ANGEL1: variants seen among roughly 807,000 people sequenced by gnomAD.
The protein encoded by ANGEL1 is angel homolog 1.
Under a neutral mutation model 76.4 loss-of-function variants are expected in ANGEL1, and 62 were observed. The ratio of observed to expected loss-of-function variants is 0.81; its 90% confidence interval spans 0.66 to 1.00. The LOEUF is 1.00. ANGEL1 is among the 50% of genes least tolerant of loss of function. The pLI is 0.00. For missense variants in ANGEL1, 737 were observed against 836.7 expected, an observed-to-expected ratio of 0.88 and a Z score of 1.47; for synonymous variants, 340 against 331.7, an observed-to-expected ratio of 1.03 and a Z score of -0.27.
chr14:76,793,194 C>A (rs1894456551), intron 7 of ANGEL1, among the ~76,000 whole-genome samples: 1 of 150,082 alleles, frequency 6.7e-6, no homozygotes, highest in African/African-American at 2.5e-5. Flanking sequence ...CTAAAAATTA[C>A]AAAACTTGGA....
In ANGEL1 at chr14:76,803,567, T is replaced by A; in HGVS notation, c.1508-86A>T. 3 of 1,423,222 alleles carry A rather than the reference T, an allele frequency of 2.1e-6. No individual in the cohort carries two copies. In the South Asian group the frequency reaches 3.5e-5, roughly 17 times the overall value. 88.2% of individuals were successfully genotyped at this position (1,423,222 alleles called of 1,614,324 possible). A position where few individuals can be genotyped will look rare whatever the true frequency, so the allele number is the denominator to read the frequency against. ...CCTTAGTACCAAGCAACTTCCAGCA[T>A]AGGTACACAGAGGAAGCATTCAGAA... On this transcript the variant is annotated intron_variant, in intron 6 of 9. Transcript: ENST00000251089.
Position 76,789,108 on chromosome 14 carries a change from G to T in ANGEL1, c.*120C>A. 4 of 1,312,362 alleles carry T rather than the reference G, an allele frequency of 3.0e-6. No homozygotes were observed. Among genetic ancestry groups the T allele is most frequent in the Non-Finnish European group, 4.2e-6 (4 of 950,496 alleles). 81.3% of individuals were successfully genotyped at this position (1,312,362 alleles called of 1,614,324 possible). ...AACCGTGGGAAAAAGGGAACGAGGA[G>T]GGGGAAGGGAGGGGATGTAAGTTTC... On this transcript the variant is annotated 3_prime_UTR_variant, in exon 10 of 10. Coordinates refer to ENST00000251089, the MANE Select transcript of ANGEL1 (RefSeq NM_015305.4).
chr14:76,790,518 C>T (rs1473386717), intron 9 of ANGEL1, 93 bp downstream of exon 9: 1 of 1,517,048 alleles, frequency 6.6e-7, no homozygotes, highest in African/African-American at 1.4e-5. Flanking sequence ...GGTTAAATCC[C>T]AGCAGCTGAA....
intron 1 of ANGEL1, among the ~76,000 whole-genome samples, chr14:76,811,110 G>A (rs1290261084): frequency 6.6e-6 from 1 of 152,206 alleles, no homozygotes; most frequent in East Asian, 1.9e-4. Flanking sequence ...AGACACTGTT[G>A]TTGTCACAAC....
At chr14:76,799,215 A>C (rs1894676845) in intron 7 of ANGEL1, among the ~76,000 whole-genome samples, 1 of 149,158 alleles carries the variant, frequency 6.7e-6, no homozygotes, top group African/African-American at 2.5e-5. Context: ...AGCATATCTA[A>C]TCAGAGCCTC....
At position 76,790,741 on chromosome 14, in the gene ANGEL1, C is replaced by T. The variant is rs750175972; in HGVS notation, c.1722G>A (p.Leu574=). 1 of 1,614,078 alleles carries T rather than the reference C, an allele frequency of 6.2e-7. No individual in the cohort carries two copies. Among genetic ancestry groups the T allele is most frequent in the Non-Finnish European group, 8.5e-7 (1 of 1,179,970 alleles). ...TVGTIQHCLH[L]TSVYTHFLPQ... is the part of the protein sequence containing the mutation. ...GCAGGAAGTGGGTATATACTGACGT[C>T]AGGTGGAGGCAGTGCTGGATGGTAC... The change falls in exon 9 of 10, where the codon CTG becomes CTA. Residue 574 remains leucine (L), a synonymous_variant. Coordinates refer to ENST00000251089, the MANE Select transcript of ANGEL1 (RefSeq NM_015305.4).
intron 7 of ANGEL1, among the ~76,000 whole-genome samples, chr14:76,796,583 A>G (rs1357873325): frequency 6.6e-6 from 1 of 152,076 alleles, no homozygotes. Flanking sequence ...TGTTTATTGC[A>G]TGTGCTTTAT....
chr14:76,792,372 A>G (rs533851641), intron 7 of ANGEL1, among the ~76,000 whole-genome samples: 1 of 152,336 alleles, frequency 6.6e-6, no homozygotes, highest in African/African-American at 2.4e-5. Flanking sequence ...TCCAAAAAAA[A>G]GAGGAGACAC....
At chr14:76,802,194 A>G (rs996407844) in intron 7 of ANGEL1, among the ~76,000 whole-genome samples, 3 of 152,118 alleles carry the variant, frequency 2.0e-5, no homozygotes, top group African/African-American at 7.2e-5. Flanking sequence ...ATAAAATAAA[A>G]AATAAAGACA....
Position 76,788,218 on chromosome 14 carries a change from G to A in ANGEL1, c.*1010C>T, listed in dbSNP as rs1894301738. The A allele has an allele frequency of 6.6e-6, 1 of 152,256 alleles. No homozygotes were observed. The highest frequency in any genetic ancestry group is 6.5e-5 in the Admixed American group (1 of 15,282). The allele number at this position is 152,256 out of a possible 1,614,324, so 9.4% of individuals were successfully genotyped here. ...AGCTTAGGTCTTCAGTCCCAGCTGA[G>A]GCAGCTGAAGAGTCTACCTGCTCCT... is the stretch of plus-strand genomic sequence containing the variant. On this transcript the variant is annotated 3_prime_UTR_variant, in exon 10 of 10. Coordinates refer to ENST00000251089, the MANE Select transcript of ANGEL1 (RefSeq NM_015305.4).
Position 76,809,209 on chromosome 14 carries a change from C to G in ANGEL1, c.499G>C (p.Gly167Arg). ...QYADCAALPV[G>R]ALATEQWEED... is the part of the protein sequence containing the mutation. The stretch of plus-strand genomic sequence containing the variant: ...TCCCACTGCTCTGTGGCCAGGGCAC[C>G]CACTGGGAGGGCAGCACAGTCTGCA... Residue 167 changes from glycine to arginine, a missense_variant, in exon 2 of 10, where the codon GGT becomes CGT. This residue lies in a region of ANGEL1 where 441 missense variants were observed against 449.5 expected (regional missense o/e 0.98). Coordinates refer to ENST00000251089, the MANE Select transcript of ANGEL1 (RefSeq NM_015305.4). 1 of 1,613,412 alleles carries G rather than the reference C, an allele frequency of 6.2e-7. No individual in the cohort carries two copies. Among genetic ancestry groups the G allele is most frequent in the Non-Finnish European group, 8.5e-7 (1 of 1,179,672 alleles).
chr14:76,804,023 G>T, intron 5 of ANGEL1, 111 bp from the exon 6 acceptor site: 1 of 1,606,170 alleles, frequency 6.2e-7, no homozygotes, highest in Non-Finnish European at 8.5e-7. Context: ...CACACACTAC[G>T]TACATGGTAT....
Position 76,811,211 on chromosome 14 carries a change from C to T in ANGEL1, c.64+1553G>A, listed in dbSNP as rs751755110. 1.6e-4 allele frequency among the ~76,000 whole-genome samples: 24 copies of T among 152,160 alleles called. 1 individual carries two copies. Among genetic ancestry groups the T allele is most frequent in the Non-Finnish European group, 2.5e-4 (17 of 68,028 alleles). ...CAGGACAGACCCACACCAAATGATC[C>T]GGTCCAAAACGTCAACAGTGCTGAG... On this transcript the variant is annotated intron_variant, in intron 1 of 9. Transcript: ENST00000251089.
Position 76,789,369 on chromosome 14 carries a change from A to G in ANGEL1, c.1872T>C (p.Asp624=). The G allele has an allele frequency of 6.2e-7, 1 of 1,614,190 alleles. No individual in the cohort carries two copies. The highest frequency in any genetic ancestry group is 8.5e-7 in the Non-Finnish European group (1 of 1,180,030). Residue 624 remains aspartate (D), a synonymous_variant, in exon 10 of 10, where the codon GAT becomes GAC. Coordinates refer to ENST00000251089, the MANE Select transcript of ANGEL1 (RefSeq NM_015305.4). ...GACGACCCAGGAGCTTGAGAGTTCC[A>G]TCTCGATACAGCCTGTGATCTGGGG... ...GNRTDHRLYR[D]GTLKLLGRLS... is the part of the protein sequence containing the mutation.
rs958396910 is a variant in ANGEL1, at chr14:76,787,707, C to T, written c.*1521G>A. On this transcript the variant is annotated 3_prime_UTR_variant, in exon 10 of 10. Coordinates refer to ENST00000251089, the MANE Select transcript of ANGEL1 (RefSeq NM_015305.4). ...AACCTTAACCCCTGGCTTACTGTCCCGAACTCAAGTCTCTTGACCACTGTC... is the reference window on the plus strand; with the variant it reads ...AACCTTAACCCCTGGCTTACTGTCCTGAACTCAAGTCTCTTGACCACTGTC... 3.9e-5 allele frequency: 6 copies of T among 152,648 alleles called. No homozygotes were observed. The highest frequency in any genetic ancestry group is 2.6e-4 in the Admixed American group (4 of 15,302). 9.5% of individuals were successfully genotyped at this position (152,648 alleles called of 1,614,324 possible).
chr14:76,791,826 GT>G lies in ANGEL1; in HGVS notation c.1619-461del, dbSNP rs1293174702. Among the ~76,000 whole-genome samples, 4 of 151,952 alleles carry G rather than the reference GT, an allele frequency of 2.6e-5. No individual in the cohort carries two copies. The East Asian group carries it at 7.7e-4, about 29-fold the overall frequency. On this transcript the variant is annotated intron_variant, in intron 7 of 9. Transcript: ENST00000251089. The stretch of plus-strand genomic sequence containing the variant: ...TGTGTCTATGCATGTATGCATACAT[GT>G]ATATATACATACATATTACATATAT...
chr14:76,788,893 C>A lies in ANGEL1; in HGVS notation c.*335G>T. 1 of 243,342 alleles carries A rather than the reference C, an allele frequency of 4.1e-6. No homozygotes were observed. Among genetic ancestry groups the A allele is most frequent in the Non-Finnish European group, 7.9e-6 (1 of 126,112 alleles). The allele number at this position is 243,342 out of a possible 1,614,324, so 15.1% of individuals were successfully genotyped here. A position where few individuals can be genotyped will look rare whatever the true frequency, so the allele number is the denominator to read the frequency against. Reference sequence around the variant, plus strand: ...CAAGAAACGGCCTGAAAGCAAATAACCAATGAAATCAAGAACTCCCATAAC... The same window carrying A: ...CAAGAAACGGCCTGAAAGCAAATAAACAATGAAATCAAGAACTCCCATAAC... On this transcript the variant is annotated 3_prime_UTR_variant, in exon 10 of 10. Transcript: ENST00000251089.
intron 1 of ANGEL1, 35 bp downstream of exon 1, chr14:76,812,729 C>T (rs749450832): frequency 1.7e-5 from 26 of 1,494,844 alleles, no homozygotes; most frequent in Non-Finnish European, 2.2e-5. Context: ...CGAGCCCTGG[C>T]CGGGCTCCTG....
chr14:76,797,674 C>T (rs1452487891), intron 7 of ANGEL1, among the ~76,000 whole-genome samples: 1 of 152,164 alleles, frequency 6.6e-6, no homozygotes, highest in Non-Finnish European at 1.5e-5. Context: ...GACCAGATAG[C>T]CTTAGCCTTT....
Sources: gnomAD v4.1 joint callset for allele counts (sites outside exome capture counted in the v4.1 genomes callset) on GRCh38, gnomAD v4.1.1 for gene constraint, gnomAD v4.1.1 regional missense constraint, MANE v1.5 for transcripts, NCBI Gene and HGNC (gene_info 2026-07-23, HGNC 2026-07-21) for gene names.